KMT2D: variants seen among roughly 807,000 people sequenced by gnomAD.
KMT2D encodes lysine methyltransferase 2D, also known as histone-lysine N-methyltransferase 2D.
KMT2D carries 55 observed loss-of-function variants against 512.7 expected under a neutral mutation model. The ratio of observed to expected loss-of-function variants is 0.11; its 90% CI spans 0.09 to 0.13. KMT2D has a LOEUF of 0.13. KMT2D is among the 10% of genes least tolerant of loss of function. The pLI, the probability that KMT2D is intolerant of heterozygous loss-of-function variation, is 1.00. For missense variants in KMT2D, 6,061 were observed against 7,127.9 expected, an observed-to-expected ratio of 0.85 and a Z score of 5.39; for synonymous variants, 2,995 against 2,904.0, an observed-to-expected ratio of 1.03 and a Z score of -1.01.
chr12:49,049,130 G>A lies in KMT2D; in HGVS notation c.3995C>T (p.Thr1332Ile), dbSNP rs1220741239. 1.2e-6 allele frequency: 2 copies of A among 1,611,022 alleles called. No individual in the cohort carries two copies. The highest frequency in any genetic ancestry group is 2.7e-5 in the African/African-American group (2 of 74,914). Residue 1332 changes from threonine to isoleucine, a missense_variant, in exon 13 of 55, where the codon ACT (threonine) becomes ATT (isoleucine). This residue lies in a region of KMT2D where 447 missense variants were observed against 500.1 expected (regional missense o/e 0.89). Coordinates refer to ENST00000301067, the MANE Select transcript of KMT2D (RefSeq NM_003482.4). ...RGRGRARLKS[T>I]ASSIETLVVA... ...TACCAGAGTCTCAATGGAAGAAGCA[G>A]TTGACTTTAGCCGGGCCCGTCCTCT...
Position 49,044,354 on chromosome 12 carries a change from G to A in KMT2D, c.5083+49C>T, listed in dbSNP as rs766383006. 1 of 1,613,544 alleles carries A rather than the reference G, an allele frequency of 6.2e-7. No individual in the cohort carries two copies. The highest frequency in any genetic ancestry group is 1.7e-5 in the Admixed American group (1 of 59,946). On this transcript the variant is annotated intron_variant, in intron 21 of 54. Transcript: ENST00000301067. This position sits in a 1 kb window ranked among gnomAD's most constrained non-coding sequence, Gnocchi z 6.4. ...GAGAAGCCGCTGGGGGACCTATTGA[G>A]CTGCCCCGCACCACCCCACCACCCC...
Position 49,054,282 on chromosome 12 carries a change from A to G in KMT2D, c.510+25T>C, listed in dbSNP as rs1386555270. 4.5e-6 allele frequency: 7 copies of G among 1,563,970 alleles called. No homozygotes were observed. In the Admixed American group the frequency reaches 5.7e-5, roughly 13 times the overall value. On this transcript the variant is annotated intron_variant, in intron 5 of 54. Coordinates refer to ENST00000301067, the MANE Select transcript of KMT2D (RefSeq NM_003482.4). The surrounding 1 kb of genome is among the most constrained non-coding windows in gnomAD (Gnocchi z 6.4). ...AGCCCACCAGCCCTGCCCTTCACCT[A>G]TGCAATCCCCTGGCCCAGCCCCACC...
chr12:49,039,633 AG>A lies in KMT2D; in HGVS notation c.8047-17del. 1 of 1,605,172 alleles carries A rather than the reference AG, an allele frequency of 6.2e-7. No individual in the cohort carries two copies. Among genetic ancestry groups the A allele is most frequent in the Middle Eastern group, 1.7e-4 (1 of 6,052 alleles). ...GTCGCTGGCGCTATGCAAAAAAAAGAGAAGAGGAATAAGCCCATTCTACTCC... is the reference window on the plus strand; with the variant it reads ...GTCGCTGGCGCTATGCAAAAAAAAGAAAGAGGAATAAGCCCATTCTACTCC... On this transcript the variant is annotated splice_polypyrimidine_tract_variant and intron_variant, in intron 32 of 54. Transcript: ENST00000301067. The surrounding 1 kb of genome is among the most constrained non-coding windows in gnomAD (Gnocchi z 5.0).
At chr12:49,053,915 A>G (rs2120701770) in intron 6 of KMT2D, 63 bp downstream of exon 6, 3 of 1,536,900 alleles carry the variant, frequency 2.0e-6, no homozygotes, top group Non-Finnish European at 2.7e-6. Context: ...TCTGTAGAGT[A>G]CAAAAATCCA....
rs1335732588 is a variant in KMT2D, at chr12:49,026,949, T to A, written c.15017A>T (p.Glu5006Val). ...CTCCATAAACTCTGCCACTTCCCGC[T>A]CATCCTCCTGCCGCCCACTGCCCTT... ...IQKGSGRQED[E>V]REVAEFMEQL... Residue 5006 changes from glutamate (E) to valine (V), a missense_variant, in exon 49 of 55, where the codon GAG (glutamate) becomes GTG (valine). Physicochemically the swap from Glu to Val is moderately radical, Grantham distance 121. Coordinates refer to ENST00000301067, the MANE Select transcript of KMT2D (RefSeq NM_003482.4). The surrounding 1 kb of genome is among the most constrained non-coding windows in gnomAD (Gnocchi z 9.6). The A allele has an allele frequency of 6.2e-7, 1 of 1,613,976 alleles. No homozygotes were observed. The highest frequency in any genetic ancestry group is 8.5e-7 in the Non-Finnish European group (1 of 1,179,894).
At position 49,031,816 on chromosome 12, in the gene KMT2D, A is replaced by T. The variant is rs370243498; in HGVS notation, c.12889T>A (p.Ser4297Thr). 2.5e-6 allele frequency: 4 copies of T among 1,574,016 alleles called. No individual in the cohort carries two copies. Among genetic ancestry groups the T allele is most frequent in the Non-Finnish European group, 3.5e-6 (4 of 1,158,918 alleles). ...ACAGGGCCAAGGACTGGTCCTGTAGATAAGGCTCCTGGTGGGGCAGGGAGC... is the reference window on the plus strand; with the variant it reads ...ACAGGGCCAAGGACTGGTCCTGTAGTTAAGGCTCCTGGTGGGGCAGGGAGC... ...PRLPAPPGALSTGPVLGPVHP... is the reference protein window; with the variant it reads ...PRLPAPPGALTTGPVLGPVHP... Residue 4297 changes from serine to threonine, a missense_variant, in exon 40 of 55, where the codon TCT becomes ACT. Ser to Thr is a moderately conservative substitution (Grantham distance 58). Around this residue, in one of 16 missense-constraint regions of KMT2D, gnomAD observed 1,600 missense variants for 1,754.9 expected, o/e 0.91. Coordinates refer to ENST00000301067, the MANE Select transcript of KMT2D (RefSeq NM_003482.4).
Position 49,032,715 on chromosome 12 carries a change from A to C in KMT2D, c.11990T>G (p.Leu3997Arg), listed in dbSNP as rs1942986889. The C allele has an allele frequency of 6.2e-7, 1 of 1,609,754 alleles. No individual in the cohort carries two copies. Among genetic ancestry groups the C allele is most frequent in the African/African-American group, 1.3e-5 (1 of 74,874 alleles). ...AGGCTTTGCTGGCATGCCAGGGCCA[A>C]GTGCCACTTGCTGCTGCTGTTGTTG... ...PQQQQQQQVA[L>R]GPGMPAKPLQ... Residue 3997 changes from leucine to arginine, a missense_variant, in exon 40 of 55, where the codon CTT becomes CGT. Transcript: ENST00000301067.
Position 49,042,544 on chromosome 12 carries a change from T to A in KMT2D, c.5867+17A>T, listed in dbSNP as rs573175982. ...GACAACGAGGACTGCCCACAAAGGT[T>A]ACGCAGAGACACCAACCTAGAATCC... is the stretch of plus-strand genomic sequence containing the variant. On this transcript the variant is annotated intron_variant, in intron 28 of 54. Transcript: ENST00000301067. This position sits in a 1 kb window ranked among gnomAD's most constrained non-coding sequence, Gnocchi z 4.4. The A allele has an allele frequency of 6.2e-7, 1 of 1,612,710 alleles. No homozygotes were observed. Among genetic ancestry groups the A allele is most frequent in the African/African-American group, 1.3e-5 (1 of 74,986 alleles).
In KMT2D at chr12:49,041,304, G is replaced by A. The variant is rs747014712; in HGVS notation, c.6466C>T (p.Pro2156Ser). The stretch of plus-strand genomic sequence containing the variant: ...GGGAGCTTGAGGAAGAGCTCACCAG[G>A]CGAGTCAGGGCCAGGCACCGAGCCC... ...PAGSVPGPDS[P>S]GELFLKLPPQ... The change falls in exon 32 of 55, where the codon CCT becomes TCT. Residue 2156 changes from proline to serine, a missense_variant. Pro to Ser is a moderately conservative substitution (Grantham distance 74). This residue lies in a region of KMT2D where 710 missense variants were observed against 647.3 expected (regional missense o/e 1.10). Coordinates refer to ENST00000301067, the MANE Select transcript of KMT2D (RefSeq NM_003482.4). The surrounding 1 kb of genome is among the most constrained non-coding windows in gnomAD (Gnocchi z 5.4). The A allele has an allele frequency of 6.5e-7, 1 of 1,529,696 alleles. No homozygotes were observed. Among genetic ancestry groups the A allele is most frequent in the East Asian group, 2.3e-5 (1 of 43,728 alleles). The allele number at this position is 1,529,696 out of a possible 1,614,324, so 94.8% of individuals were successfully genotyped here. A position where few individuals can be genotyped will look rare whatever the true frequency, so the allele number is the denominator to read the frequency against.
rs1208432882 is a variant in KMT2D, at chr12:49,052,995, A to C, written c.1032T>G (p.Ser344=). The C allele has an allele frequency of 6.2e-7, 1 of 1,614,028 alleles. No homozygotes were observed. The highest frequency in any genetic ancestry group is 8.5e-7 in the Non-Finnish European group (1 of 1,179,876). Residue 344 remains serine (S), a synonymous_variant, in exon 9 of 55, where the codon TCT becomes TCG. Transcript: ENST00000301067. ...GGGCTTTGTGACAGCGGTGACAGAG[A>C]GAGTAGTTCTCAAACCACTCCGAGT... ...NPNSEWFENY[S]LCHRCHKAQG...
At position 49,050,504 on chromosome 12, in the gene KMT2D, A is replaced by C; in HGVS notation, c.3084T>G (p.Leu1028=). The change falls in exon 12 of 55, where the codon CTT becomes CTG. Residue 1028 remains leucine, a synonymous_variant. Coordinates refer to ENST00000301067, the MANE Select transcript of KMT2D (RefSeq NM_003482.4). ...AGTTTTGGGGAACCAGGGAATGCTG[A>C]AGGAGTGGCGAACACTGAGGAGGAA... ...EPLPPQCSPL[L]QHSLVPQNSP... 1.2e-6 allele frequency: 2 copies of C among 1,612,670 alleles called. No individual in the cohort carries two copies. The highest frequency in any genetic ancestry group is 1.7e-6 in the Non-Finnish European group (2 of 1,178,890).
rs747977385 is a variant in KMT2D at position 49,051,013 on chromosome 12, G to T, written c.2670C>A (p.Ser890=). The change falls in exon 11 of 55, where the codon TCC becomes TCA. Residue 890 remains serine, a synonymous_variant. Transcript: ENST00000301067. ...LPLFPPPGEP[S]LSPLLGEPAL... ...CTGGCTCTCCAAGCAAGGGAGATAAGGATGGTTCCCCAGGGGGAGGGAACA... is the reference window on the plus strand; with the variant it reads ...CTGGCTCTCCAAGCAAGGGAGATAATGATGGTTCCCCAGGGGGAGGGAACA... 4.5e-6 allele frequency: 7 copies of T among 1,567,934 alleles called. No homozygotes were observed. Among genetic ancestry groups the T allele is most frequent in the Non-Finnish European group, 6.0e-6 (7 of 1,157,774 alleles).
intron 35 of KMT2D, among the ~76,000 whole-genome samples, chr12:49,036,304 T>C (rs979082269): frequency 6.7e-6 from 1 of 148,814 alleles, no homozygotes; most frequent in Non-Finnish European, 1.5e-5. Context: ...TTTTCACCTA[T>C]CCCAATCGCT....
At position 49,031,912 on chromosome 12, in the gene KMT2D, C is replaced by T. The variant is rs761270194; in HGVS notation, c.12793G>A (p.Gly4265Ser). ...GLLGCQPQLG[G>S]FPGPQTGPLQ... ...GGGCCTGTCTGTGGTCCAGGGAAGC[C>T]CCCAAGTTGAGGTTGGCAGCCCAGG... The change falls in exon 40 of 55, where the codon GGC becomes AGC. Residue 4265 changes from glycine to serine, a missense_variant. Coordinates refer to ENST00000301067, the MANE Select transcript of KMT2D (RefSeq NM_003482.4). 2.6e-6 allele frequency: 4 copies of T among 1,535,524 alleles called. No individual in the cohort carries two copies. Among genetic ancestry groups the T allele is most frequent in the East Asian group, 2.3e-5 (1 of 44,202 alleles).
In KMT2D at chr12:49,049,132, T is replaced by C. The variant is rs2120630684; in HGVS notation, c.3993A>G (p.Ser1331=). ...GRGRGRARLK[S]TASSIETLVV... ...CCAGAGTCTCAATGGAAGAAGCAGT[T>C]GACTTTAGCCGGGCCCGTCCTCTAC... The change falls in exon 13 of 55, where the codon TCA becomes TCG. Residue 1331 remains serine (S), a synonymous_variant. Coordinates refer to ENST00000301067, the MANE Select transcript of KMT2D (RefSeq NM_003482.4). The C allele has an allele frequency of 6.2e-7, 1 of 1,611,366 alleles. No individual in the cohort carries two copies. The highest frequency in any genetic ancestry group is 8.5e-7 in the Non-Finnish European group (1 of 1,178,418).
intron 1 of KMT2D, among the ~76,000 whole-genome samples, chr12:49,057,899 C>T (rs1938507972): frequency 6.6e-6 from 1 of 152,202 alleles, no homozygotes; most frequent in Non-Finnish European, 1.5e-5. Context: ...GGCACCCCCT[C>T]AGTCCTATAC....
chr12:49,027,093 G>A lies in KMT2D; in HGVS notation c.14873C>T (p.Ser4958Leu), dbSNP rs1942637043. 2 of 1,609,422 alleles carry A rather than the reference G, an allele frequency of 1.2e-6. No homozygotes were observed. Among genetic ancestry groups the A allele is most frequent in the Non-Finnish European group, 8.5e-7 (1 of 1,176,910 alleles). Residue 4958 changes from serine (S) to leucine (L), a missense_variant, in exon 49 of 55, where the codon TCA (serine) becomes TTA (leucine). Coordinates refer to ENST00000301067, the MANE Select transcript of KMT2D (RefSeq NM_003482.4). Reference protein sequence around the residue: ...SPLPLASSPESARPKPRARPP... With the variant: ...SPLPLASSPELARPKPRARPP... ...CCGGGCACGGGGCTTGGGTCGGGCTGATTCAGGGGATGAGGCCAGTGGCAG... is the reference window on the plus strand; with the variant it reads ...CCGGGCACGGGGCTTGGGTCGGGCTAATTCAGGGGATGAGGCCAGTGGCAG...
chr12:49,047,923 G>C (rs1937652911), intron 15 of KMT2D, 42 bp downstream of exon 15: 1 of 1,353,514 alleles, frequency 7.4e-7, no homozygotes, highest in Non-Finnish European at 1.1e-6. Flanking sequence ...AGAAATAACT[G>C]ACCCTATTCC....
In KMT2D at chr12:49,026,295, C is replaced by T. The variant is rs3782356; in HGVS notation, c.15671G>A (p.Arg5224His). 4.5e-4 allele frequency: 718 copies of T among 1,611,872 alleles called. 6 individuals are homozygous for T. In the East Asian group the frequency reaches 0.014, roughly 31 times the overall value. ...AATAGAACAGCGATAGCAGCAGCGA[C>T]GATTGTTGGTGCGGAGGCTCCAATA... ...RIYWSLRTNNRRCCYRCSIGE... is the reference protein window; with the variant it reads ...RIYWSLRTNNHRCCYRCSIGE... The change falls in exon 49 of 55, where the codon CGT becomes CAT. Residue 5224 changes from arginine to histidine, a missense_variant. Physicochemically the swap from Arg to His is conservative, Grantham distance 29. Around this residue, in one of 16 missense-constraint regions of KMT2D, gnomAD observed 261 missense variants for 440.7 expected, o/e 0.59. Coordinates refer to ENST00000301067, the MANE Select transcript of KMT2D (RefSeq NM_003482.4). This position sits in a 1 kb window ranked among gnomAD's most constrained non-coding sequence, Gnocchi z 9.6.
Sources: allele counts gnomAD v4.1 joint callset (sites outside exome capture counted in the v4.1 genomes callset), GRCh38; gene constraint gnomAD v4.1.1; regional missense constraint gnomAD v4.1.1; non-coding constraint Gnocchi (gnomAD v3.1); transcripts MANE v1.5; gene names NCBI Gene and HGNC (gene_info 2026-07-23, HGNC 2026-07-21).